NEGR1: variants seen among roughly 807,000 people sequenced by gnomAD.
NEGR1 encodes the protein IgLON family member 4.
NEGR1 carries 10 observed loss-of-function variants against 40.9 expected under a neutral mutation model. That is an observed-to-expected ratio of 0.24 (90% CI 0.15 to 0.42). NEGR1 has a LOEUF of 0.42. Ranked by LOEUF, NEGR1 falls within the 10% of genes least tolerant of loss-of-function variation. The pLI is 1.00. For missense variants in NEGR1, 352 were observed against 438.9 expected, an observed-to-expected ratio of 0.80 and a Z score of 1.77; for synonymous variants, 185 against 166.8, an observed-to-expected ratio of 1.11 and a Z score of -0.84.
chr1:72,231,915 C>T (rs914097621), intron 1 of NEGR1, among the ~76,000 whole-genome samples: 1 of 152,126 alleles, frequency 6.6e-6, no homozygotes, highest in Non-Finnish European at 1.5e-5. Flanking sequence ...CGCCAATATA[C>T]AGTCTTACTC....
chr1:72,226,773 A>T (rs971373808), intron 1 of NEGR1, among the ~76,000 whole-genome samples: 1 of 152,096 alleles, frequency 6.6e-6, no homozygotes, highest in African/African-American at 2.4e-5. Context: ...AATTATTTTT[A>T]TACGTATATT....
rs977309742 is a variant in NEGR1, at chr1:71,692,264, G to T, written c.667+5744C>A. Among the ~76,000 whole-genome samples, 4 of 151,516 alleles carry T rather than the reference G, an allele frequency of 2.6e-5. No individual in the cohort carries two copies. The South Asian group carries it at 8.4e-4, about 32-fold the overall frequency. On this transcript the variant is annotated intron_variant, in intron 4 of 6. Coordinates refer to ENST00000357731, the MANE Select transcript of NEGR1 (RefSeq NM_173808.3). ...AACTCTATGCCTTTTTCTCCCCTGA[G>T]TTGTTCCAAATAAGTGTTAATTAGC... is the stretch of plus-strand genomic sequence containing the variant.
intron 2 of NEGR1, among the ~76,000 whole-genome samples, chr1:71,871,420 T>C (rs565710682): frequency 8.4e-4 from 128 of 152,278 alleles, no homozygotes; most frequent in Non-Finnish European, 1.2e-3. Context: ...TCACCTCTTA[T>C]CACACCATTT....
intron 2 of NEGR1, among the ~76,000 whole-genome samples, chr1:71,806,611 T>C (rs1323860641): frequency 6.6e-6 from 1 of 152,150 alleles, no homozygotes; most frequent in Non-Finnish European, 1.5e-5. Flanking sequence ...AACTTCATAC[T>C]AATGAAGAAA....
In NEGR1 at chr1:71,763,746, A is replaced by AGT. The variant is rs55890627; in HGVS notation, c.535+12424_535+12425dup. Among the ~76,000 whole-genome samples the AGT allele has an allele frequency of 4.9e-3, 730 of 150,072 alleles. 9 individuals are homozygous for AGT. Among genetic ancestry groups the AGT allele is most frequent in the African/African-American group, 0.016 (673 of 40,842 alleles). On this transcript the variant is annotated intron_variant, in intron 3 of 6. Coordinates refer to ENST00000357731, the MANE Select transcript of NEGR1 (RefSeq NM_173808.3). Reference sequence around the variant, plus strand: ...AATAAAGGGCTGATGCATATTTAGGAGTGTGTGTGTGTGTGTGTGTGTGTG... The same window carrying AGT: ...AATAAAGGGCTGATGCATATTTAGGAGTGTGTGTGTGTGTGTGTGTGTGTGTG...
chr1:71,614,586 T>C (rs1344177422), intron 4 of NEGR1, among the ~76,000 whole-genome samples: 1 of 152,212 alleles, frequency 6.6e-6, no homozygotes, highest in Non-Finnish European at 1.5e-5. Flanking sequence ...AAACAGACTG[T>C]AATCTTTTAT....
At chr1:72,114,446 A>C (rs990558965) in intron 1 of NEGR1, among the ~76,000 whole-genome samples, 2 of 151,694 alleles carry the variant, frequency 1.3e-5, no homozygotes, top group African/African-American at 4.8e-5. Flanking sequence ...TATCTCTCTC[A>C]TTTGATAGAT....
chr1:72,082,066 T>A (rs1284216247), intron 1 of NEGR1, among the ~76,000 whole-genome samples: 4 of 152,116 alleles, frequency 2.6e-5, no homozygotes. Flanking sequence ...GACCTAGAAC[T>A]ATATTCAGGA....
At chr1:72,130,291 G>C (rs1650194940) in intron 1 of NEGR1, among the ~76,000 whole-genome samples, 1 of 152,096 alleles carries the variant, frequency 6.6e-6, no homozygotes, top group South Asian at 2.1e-4. Context: ...AGTTGTTTAG[G>C]TTTTTTGCCC....
rs368445258 is a variant in NEGR1 at position 72,079,773 on chromosome 1, T to C, written c.177-144462A>G. On this transcript the variant is annotated intron_variant, in intron 1 of 6. Transcript: ENST00000357731. ...AATCTCACATTTCACTTTCGAATAC[T>C]AAAAGATGTTTCTATGTATTTAAAA... 3.3e-5 allele frequency among the ~76,000 whole-genome samples: 5 copies of C among 152,278 alleles called. No individual in the cohort carries two copies. In the East Asian group the frequency reaches 9.6e-4, roughly 29 times the overall value.
At chr1:72,086,169 G>C (rs1648213659) in intron 1 of NEGR1, among the ~76,000 whole-genome samples, 1 of 151,960 alleles carries the variant, frequency 6.6e-6, no homozygotes, top group South Asian at 2.1e-4. Flanking sequence ...ATATTATAAT[G>C]AACATATTTG....
chr1:71,559,264 T>C (rs1200509795), intron 6 of NEGR1, among the ~76,000 whole-genome samples: 1 of 151,394 alleles, frequency 6.6e-6, no homozygotes, highest in African/African-American at 2.4e-5. Context: ...TTCAGAACTG[T>C]AACACATAAT....
intron 3 of NEGR1, among the ~76,000 whole-genome samples, chr1:71,761,291 C>CT (rs1655931255): frequency 6.6e-6 from 1 of 151,994 alleles, no homozygotes; most frequent in African/African-American, 2.4e-5. Context: ...CGGCCATAGA[C>CT]AATATATAAA....
At chr1:71,598,081 G>C (rs1262111823) in intron 5 of NEGR1, among the ~76,000 whole-genome samples, 1 of 152,134 alleles carries the variant, frequency 6.6e-6, no homozygotes, top group South Asian at 2.1e-4. Context: ...TGAGAAAACA[G>C]ACATTTAAGA....
intron 2 of NEGR1, among the ~76,000 whole-genome samples, chr1:71,932,925 C>G (rs1437245463): frequency 6.6e-6 from 1 of 152,068 alleles, no homozygotes; most frequent in Non-Finnish European, 1.5e-5. Flanking sequence ...AATTGACTGA[C>G]AAGCCTATTA....
intron 1 of NEGR1, among the ~76,000 whole-genome samples, chr1:71,937,691 A>G (rs1437810834): frequency 6.6e-6 from 1 of 152,188 alleles, no homozygotes; most frequent in East Asian, 1.9e-4. Flanking sequence ...AGGTTTCAGA[A>G]ATGGGAAAAT....
rs562719379 is a variant in NEGR1, at chr1:71,639,546, C to T, written c.668-28400G>A. ...AGTGGAAGAATATGTGTATGCGCACCTCTGCACATGTTTGTAGGAAGTTAG... is the reference window on the plus strand; with the variant it reads ...AGTGGAAGAATATGTGTATGCGCACTTCTGCACATGTTTGTAGGAAGTTAG... On this transcript the variant is annotated intron_variant, in intron 4 of 6. Transcript: ENST00000357731. Among the ~76,000 whole-genome samples the T allele has an allele frequency of 2.6e-5, 4 of 152,150 alleles. No homozygotes were observed. In the East Asian group the frequency reaches 7.8e-4, roughly 29 times the overall value.
At chr1:71,673,936 C>G (rs2101602719) in intron 4 of NEGR1, among the ~76,000 whole-genome samples, 1 of 152,016 alleles carries the variant, frequency 6.6e-6, no homozygotes, top group South Asian at 2.1e-4. Context: ...TGTTAGAAAA[C>G]ATTTTTGTAC....
intron 1 of NEGR1, among the ~76,000 whole-genome samples, chr1:72,247,863 C>T (rs1286013908): frequency 2.6e-5 from 4 of 152,222 alleles, no homozygotes; most frequent in East Asian, 1.9e-4. Flanking sequence ...GGGGCTTAAT[C>T]GGCTCACAGT....
Sources: gnomAD v4.1 joint callset for allele counts (sites outside exome capture counted in the v4.1 genomes callset) on GRCh38, gnomAD v4.1.1 for gene constraint, MANE v1.5 for transcripts, NCBI Gene and HGNC (gene_info 2026-07-23, HGNC 2026-07-21) for gene names.